KMT2A: variants seen among roughly 807,000 people sequenced by gnomAD.
KMT2A encodes histone-lysine N-methyltransferase 2A.
In KMT2A, 16 loss-of-function variants were observed where a neutral mutation model predicts 345.3. That is an observed-to-expected ratio of 0.05 (90% CI 0.03 to 0.07). KMT2A has a LOEUF of 0.07. KMT2A is among the 10% of genes least tolerant of loss of function. KMT2A has a pLI of 1.00. For synonymous variants in KMT2A, 1,599 were observed against 1,778.6 expected, an observed-to-expected ratio of 0.90 and a Z score of 2.54; for missense variants, 3,272 against 4,841.6, an observed-to-expected ratio of 0.68 and a Z score of 9.62.
chr11:118,523,623 T>C lies in KMT2A; in HGVS notation c.*1451T>C. On this transcript the variant is annotated 3_prime_UTR_variant, in exon 36 of 36. Coordinates refer to ENST00000534358, the MANE Select transcript of KMT2A (RefSeq NM_001197104.2). ...GAAGCACTTCATAGGGAGAAGCACT[T>C]ATGACAAGGCTATTTTTTAAACCGC... 1 of 228,488 alleles carries C rather than the reference T, an allele frequency of 4.4e-6. No individual in the cohort carries two copies. Among genetic ancestry groups the C allele is most frequent in the Non-Finnish European group, 8.7e-6 (1 of 114,826 alleles). 14.2% of individuals were successfully genotyped at this position (228,488 alleles called of 1,614,324 possible). A position where few individuals can be genotyped will look rare whatever the true frequency, so the allele number is the denominator to read the frequency against.
rs1950491964 is a variant in KMT2A at position 118,501,043 on chromosome 11, G to C, written c.6215G>C (p.Cys2072Ser). ...GCTCGCAAGCGCTGTGTATATACATGCAAGATAGTGGAGTGCCGTCCTCCA... is the reference window on the plus strand; with the variant it reads ...GCTCGCAAGCGCTGTGTATATACATCCAAGATAGTGGAGTGCCGTCCTCCA... ...TDARKRCVYT[C>S]KIVECRPPVV... is the part of the protein sequence containing the mutation. Residue 2072 changes from cysteine to serine, a missense_variant, in exon 25 of 36, where the codon TGC becomes TCC. By Grantham distance (112) the Cys-to-Ser change is moderately radical. Transcript: ENST00000534358. The C allele has an allele frequency of 6.2e-7, 1 of 1,614,024 alleles. No individual in the cohort carries two copies. The highest frequency in any genetic ancestry group is 1.7e-5 in the Admixed American group (1 of 60,002).
At position 118,461,141 on chromosome 11, in the gene KMT2A, G is replaced by A. The variant is rs142024724; in HGVS notation, c.433-7634G>A. Among the ~76,000 whole-genome samples, 19 of 152,234 alleles carry A rather than the reference G, an allele frequency of 1.2e-4. No homozygotes were observed. The East Asian group carries it at 3.5e-3, about 28-fold the overall frequency. ...TAATACTTATTTAGGGTTCACTTAG[G>A]TTCTTTTGTGGGAGAAATATTCCTA... On this transcript the variant is annotated intron_variant, in intron 1 of 35. Transcript: ENST00000534358.
intron 31 of KMT2A, among the ~76,000 whole-genome samples, chr11:118,518,131 C>T (rs1950864039): frequency 6.6e-6 from 1 of 152,164 alleles, no homozygotes; most frequent in African/African-American, 2.4e-5. Flanking sequence ...ATTACTGTTT[C>T]TATATCTATT....
At chr11:118,477,893 A>G in intron 4 of KMT2A, 74 bp from the exon 5 acceptor site, 2 of 934,214 alleles carry the variant, frequency 2.1e-6, no homozygotes, top group Middle Eastern at 2.5e-4. Context: ...AATGTATTTC[A>G]TTTTTGGAGT....
intron 1 of KMT2A, chr11:118,450,741 T>G (rs1238806173): frequency 6.6e-6 from 1 of 152,240 alleles, no homozygotes; most frequent in Non-Finnish European, 1.5e-5. Flanking sequence ...GTTCTCTTGA[T>G]GCACCAATAA....
At chr11:118,462,940 A>G (rs1414543061) in intron 1 of KMT2A, among the ~76,000 whole-genome samples, 2 of 152,130 alleles carry the variant, frequency 1.3e-5, no homozygotes, top group African/African-American at 4.8e-5. Flanking sequence ...TCATTTTGGA[A>G]AGTACTTAGA....
intron 1 of KMT2A, among the ~76,000 whole-genome samples, chr11:118,461,284 C>A (rs1224832907): frequency 1.3e-5 from 2 of 152,086 alleles, no homozygotes; most frequent in Non-Finnish European, 2.9e-5. Context: ...TAAAGGTATG[C>A]TTGGAAGCTC....
chr11:118,467,352 G>A (rs187678279), intron 1 of KMT2A, among the ~76,000 whole-genome samples: 1,749 of 151,786 alleles, frequency 0.012, 16 homozygotes, highest in Non-Finnish European at 0.019. Flanking sequence ...ACTCCAGCCT[G>A]GGTGACAGAG....
At chr11:118,492,956 A>G in intron 15 of KMT2A, 101 bp from the exon 16 acceptor site, 1 of 897,876 alleles carries the variant, frequency 1.1e-6, no homozygotes, top group Non-Finnish European at 1.7e-6. Context: ...GGGTTTTACA[A>G]TATTAATCAT....
intron 1 of KMT2A, among the ~76,000 whole-genome samples, chr11:118,440,360 C>T (rs1949287422): frequency 6.6e-6 from 1 of 151,938 alleles, no homozygotes; most frequent in Admixed American, 6.5e-5. Flanking sequence ...TTTTGCCTTT[C>T]CCCTTCCCTC....
chr11:118,453,251 G>A (rs1202795693), intron 1 of KMT2A, among the ~76,000 whole-genome samples: 1 of 152,040 alleles, frequency 6.6e-6, no homozygotes, highest in Non-Finnish European at 1.5e-5. Context: ...AACTACTCCA[G>A]TTGGGCTTTT....
In KMT2A at chr11:118,524,811, G is replaced by C. The variant is rs950750633; in HGVS notation, c.*2639G>C. Reference sequence around the variant, plus strand: ...AAGACCCAAAGGCCAGTCAGGGGGTGGGGGGAACTCAGCTAAATAGACCTA... The same window carrying C: ...AAGACCCAAAGGCCAGTCAGGGGGTCGGGGGAACTCAGCTAAATAGACCTA... On this transcript the variant is annotated 3_prime_UTR_variant, in exon 36 of 36. Coordinates refer to ENST00000534358, the MANE Select transcript of KMT2A (RefSeq NM_001197104.2). The C allele has an allele frequency of 1.1e-5, 2 of 183,466 alleles. No homozygotes were observed. The highest frequency in any genetic ancestry group is 2.4e-5 in the African/African-American group (1 of 42,356). The allele number at this position is 183,466 out of a possible 1,614,324, so 11.4% of individuals were successfully genotyped here.
chr11:118,439,583 CT>C (rs1376786213), intron 1 of KMT2A, among the ~76,000 whole-genome samples: 1 of 152,214 alleles, frequency 6.6e-6, no homozygotes, highest in African/African-American at 2.4e-5. Context: ...TTCTTATCTA[CT>C]GGCATTATGA....
chr11:118,439,826 C>T (rs1949277232), intron 1 of KMT2A, among the ~76,000 whole-genome samples: 1 of 151,702 alleles, frequency 6.6e-6, no homozygotes, highest in Non-Finnish European at 1.5e-5. Context: ...CATGGGTAAG[C>T]TTTTTATGTG....
chr11:118,496,426 C>A lies in KMT2A; in HGVS notation c.5664+59C>A, dbSNP rs952211086. On this transcript the variant is annotated intron_variant, in intron 20 of 35. Coordinates refer to ENST00000534358, the MANE Select transcript of KMT2A (RefSeq NM_001197104.2). The surrounding 1 kb of genome is among the most constrained non-coding windows in gnomAD (Gnocchi z 4.7). ...ACATACTCCAAAAGAACTGTTTGTC[C>A]TTGTGTCCATACTTGATGACTGGGT... 1.9e-5 allele frequency: 23 copies of A among 1,196,446 alleles called. No individual in the cohort carries two copies. The East Asian group carries it at 5.4e-4, about 28-fold the overall frequency. 74.1% of individuals were successfully genotyped at this position (1,196,446 alleles called of 1,614,324 possible).
intron 1 of KMT2A, among the ~76,000 whole-genome samples, chr11:118,442,829 G>A (rs976715262): frequency 3.3e-5 from 5 of 152,018 alleles, no homozygotes; most frequent in Non-Finnish European, 7.4e-5. Flanking sequence ...CAGGACCTTC[G>A]TATTCAAAAT....
Position 118,478,181 on chromosome 11 carries a change from T to C in KMT2A, c.3549T>C (p.Asn1183=). Residue 1183 remains asparagine, a synonymous_variant, in exon 5 of 36, where the codon AAT becomes AAC. Coordinates refer to ENST00000534358, the MANE Select transcript of KMT2A (RefSeq NM_001197104.2). ...ATAAGCCCAAGTTTGGTGGTCGCAA[T>C]ATAAAGAAGCAGTGCTGCAAGTAAG... The part of the protein sequence containing the change: ...CLDKPKFGGR[N]IKKQCCKMRK... 2.5e-6 allele frequency: 4 copies of C among 1,613,980 alleles called. No individual in the cohort carries two copies. Among genetic ancestry groups the C allele is most frequent in the Middle Eastern group, 3.3e-4 (2 of 6,060 alleles).
In KMT2A at chr11:118,495,244, C is replaced by T. The variant is rs576531663; in HGVS notation, c.5364-456C>T. On this transcript the variant is annotated intron_variant, in intron 18 of 35. Transcript: ENST00000534358. The surrounding 1 kb of genome is among the most constrained non-coding windows in gnomAD (Gnocchi z 4.1). Reference sequence around the variant, plus strand: ...CATGATCTCGGCTCACTACAACCTCCGCCTCCCTGGTTCAAGCGATTCTCC... The same window carrying T: ...CATGATCTCGGCTCACTACAACCTCTGCCTCCCTGGTTCAAGCGATTCTCC... 2.1e-4 allele frequency among the ~76,000 whole-genome samples: 32 copies of T among 151,880 alleles called. No individual in the cohort carries two copies. Among genetic ancestry groups the T allele is most frequent in the African/African-American group, 7.2e-4 (30 of 41,384 alleles).
At position 118,520,447 on chromosome 11, in the gene KMT2A, T is replaced by C. The variant is rs952056707; in HGVS notation, c.11430-355T>C. 1 of 329,902 alleles carries C rather than the reference T, an allele frequency of 3.0e-6. No homozygotes were observed. Among genetic ancestry groups the C allele is most frequent in the African/African-American group, 2.1e-5 (1 of 47,530 alleles). The allele number at this position is 329,902 out of a possible 1,614,324, so 20.4% of individuals were successfully genotyped here. On this transcript the variant is annotated intron_variant, in intron 33 of 35. Coordinates refer to ENST00000534358, the MANE Select transcript of KMT2A (RefSeq NM_001197104.2). This position sits in a 1 kb window ranked among gnomAD's most constrained non-coding sequence, Gnocchi z 4.3. ...GCGGACAGATCATGAGGTCAGGAGT[T>C]CGAGACCAGCCTGACCAACATAGTG...
Sources: gnomAD v4.1 joint callset for allele counts (sites outside exome capture counted in the v4.1 genomes callset) on GRCh38, gnomAD v4.1.1 for gene constraint, Gnocchi (gnomAD v3.1) non-coding constraint, MANE v1.5 for transcripts, NCBI Gene and HGNC (gene_info 2026-07-23, HGNC 2026-07-21) for gene names.